Variants in TNNI3K observed in about 807,000 individuals in gnomAD.
TNNI3K encodes the protein TNNI3 interacting kinase, also known as serine/threonine-protein kinase TNNI3K.
In TNNI3K, 140 loss-of-function variants were observed where a neutral mutation model predicts 114.5. The ratio of observed to expected loss-of-function variants is 1.22; its 90% CI spans 1.07 to 1.41. The LOEUF (loss-of-function observed/expected upper bound fraction) is 1.41. Among genes scored for constraint, TNNI3K ranks in the 40% most tolerant of loss-of-function variants. The pLI is 0.00. For missense variants in TNNI3K, 1,125 were observed against 1,007.6 expected (o/e 1.12, Z -1.58); for synonymous variants, 347 against 347.5 (o/e 1.00, Z 0.02).
chr1:74,335,431 TA>T (rs960852312), intron 6 of TNNI3K, among the ~76,000 whole-genome samples: 2 of 152,182 alleles, frequency 1.3e-5, no homozygotes, highest in African/African-American at 4.8e-5. Context: ...TTGGGCCATA[TA>T]TTTTTTTTCT....
chr1:74,491,202 G>C (rs190277838), intron 22 of TNNI3K, among the ~76,000 whole-genome samples: 1 of 152,100 alleles, frequency 6.6e-6, no homozygotes, highest in Non-Finnish European at 1.5e-5. Flanking sequence ...GATAATTAGG[G>C]TGAGTCCAAC....
At chr1:74,318,066 G>A (rs1221729179) in intron 5 of TNNI3K, among the ~76,000 whole-genome samples, 1 of 152,154 alleles carries the variant, frequency 6.6e-6, no homozygotes, top group Non-Finnish European at 1.5e-5. Context: ...TCATGGCCTG[G>A]AAACTCTCTA....
At chr1:74,454,730 A>T (rs1667160602) in intron 20 of TNNI3K, among the ~76,000 whole-genome samples, 1 of 152,162 alleles carries the variant, frequency 6.6e-6, no homozygotes, top group Non-Finnish European at 1.5e-5. Context: ...TTGGATATAT[A>T]CCTGGCAGTG....
At chr1:74,362,741 A>G (rs544419634) in intron 11 of TNNI3K, among the ~76,000 whole-genome samples, 87 of 152,278 alleles carry the variant, frequency 5.7e-4, no homozygotes, top group Non-Finnish European at 1.0e-3. Flanking sequence ...AGTTGAAAGC[A>G]AAGAGGATTT....
At chr1:74,525,572 A>G (rs773738806) in intron 23 of TNNI3K, among the ~76,000 whole-genome samples, 1 of 152,242 alleles carries the variant, frequency 6.6e-6, no homozygotes, top group Non-Finnish European at 1.5e-5. Context: ...AAGTGTTGCA[A>G]GTAAACTCTG....
chr1:74,512,974 T>G (rs1268752191), intron 23 of TNNI3K, among the ~76,000 whole-genome samples: 1 of 152,178 alleles, frequency 6.6e-6, no homozygotes, highest in Non-Finnish European at 1.5e-5. Context: ...TATAGACGAC[T>G]TTTGCCCTTT....
intron 23 of TNNI3K, among the ~76,000 whole-genome samples, chr1:74,521,830 G>A (rs2100414933): frequency 6.6e-6 from 1 of 152,250 alleles, no homozygotes; most frequent in African/African-American, 2.4e-5. Context: ...TAAGTGTTTT[G>A]ATCCCTGAGA....
intron 5 of TNNI3K, among the ~76,000 whole-genome samples, chr1:74,315,136 A>G (rs1659237923): frequency 6.6e-6 from 1 of 152,166 alleles, no homozygotes; most frequent in African/African-American, 2.4e-5. Context: ...ATGGACAGAA[A>G]TTAGGTTTTA....
chr1:74,435,932 TA>T, intron 17 of TNNI3K, 147 bp from the exon 18 acceptor site: 2 of 966,738 alleles, frequency 2.1e-6, no homozygotes, highest in African/African-American at 1.7e-5. Context: ...TCAGCAAAAC[TA>T]AAAAATTTTG....
intron 21 of TNNI3K, among the ~76,000 whole-genome samples, chr1:74,487,976 G>A (rs2100287853): frequency 6.6e-6 from 1 of 152,222 alleles, no homozygotes; most frequent in Admixed American, 6.5e-5. Context: ...TATAACTAAG[G>A]GGCTGAGTGA....
chr1:74,534,517 G>A, intron 23 of TNNI3K, among the ~76,000 whole-genome samples: 1 of 152,112 alleles, frequency 6.6e-6, no homozygotes, highest in South Asian at 2.1e-4. Context: ...CTGTTTTTAA[G>A]GCTCTAAATG....
At chr1:74,429,397 G>A (rs182806628) in intron 17 of TNNI3K, among the ~76,000 whole-genome samples, 9 of 152,256 alleles carry the variant, frequency 5.9e-5, no homozygotes, top group African/African-American at 2.2e-4. Context: ...GTAAGTGGAT[G>A]TGAATTGCAC....
At chr1:74,240,297 T>G (rs1015332479) in intron 2 of TNNI3K, 1 of 165,812 alleles carries the variant, frequency 6.0e-6, no homozygotes, top group Non-Finnish European at 1.3e-5. Context: ...ATCCTAATGG[T>G]GTATATGTAA....
intron 4 of TNNI3K, among the ~76,000 whole-genome samples, chr1:74,268,293 T>A (rs1413720118): frequency 6.6e-6 from 1 of 151,960 alleles, no homozygotes; most frequent in African/African-American, 2.4e-5. Flanking sequence ...AGGCGATGTT[T>A]TTCCTATTTA....
intron 17 of TNNI3K, among the ~76,000 whole-genome samples, chr1:74,395,693 G>A (rs77641852): frequency 0.022 from 3,405 of 152,276 alleles, 94 homozygotes; most frequent in African/African-American, 0.068. Flanking sequence ...GACAGATGAA[G>A]TGATTCTCAG....
chr1:74,434,896 G>A (rs759638383), intron 17 of TNNI3K, among the ~76,000 whole-genome samples: 1 of 151,938 alleles, frequency 6.6e-6, no homozygotes, highest in Non-Finnish European at 1.5e-5. Context: ...AAGTCAAGGC[G>A]GGAAAGCAAT....
chr1:74,455,992 A>G (rs1030336781), intron 20 of TNNI3K, among the ~76,000 whole-genome samples: 4 of 152,212 alleles, frequency 2.6e-5, no homozygotes, highest in African/African-American at 4.8e-5. Context: ...TGTGTCATCA[A>G]TGGAGGTCAC....
intron 20 of TNNI3K, among the ~76,000 whole-genome samples, chr1:74,460,079 CTTT>C (rs776231729): frequency 6.8e-6 from 1 of 146,382 alleles, no homozygotes. Context: ...CAACATATAA[CTTT>C]TTTTTTTTTT....
chr1:74,471,980 T>C (rs1028294986), intron 21 of TNNI3K: 3 of 628,486 alleles, frequency 4.8e-6, no homozygotes, highest in African/African-American at 1.8e-5. Context: ...TATTTTGATC[T>C]ATTTTTTTGT....
Sources: gnomAD v4.1 joint callset for allele counts (sites outside exome capture counted in the v4.1 genomes callset) on GRCh38, gnomAD v4.1.1 for gene constraint, MANE v1.5 for transcripts, NCBI Gene and HGNC (gene_info 2026-07-23, HGNC 2026-07-21) for gene names.